The following PDE3A variants were observed in gnomAD, a reference collection of about 807,000 sequenced individuals.
The protein encoded by PDE3A is cGMP-inhibited 3',5'-cyclic phosphodiesterase 3A.
PDE3A carries 43 observed loss-of-function variants against 98.3 expected under a neutral mutation model. That is an observed-to-expected ratio of 0.44 (90% confidence interval 0.34 to 0.56). The LOEUF is 0.56. PDE3A is among the 20% of genes least tolerant of loss of function. The probability of loss-of-function intolerance (pLI) is 0.01; values close to 1 mark genes in which losing one functional copy is unlikely to be tolerated. For synonymous variants in PDE3A, 663 were observed against 567.9 expected (o/e 1.17, Z -2.38); for missense variants, 1,427 against 1,440.7 (o/e 0.99, Z 0.15).
intron 14 of PDE3A, among the ~76,000 whole-genome samples, chr12:20,652,482 C>A (rs1944943474): frequency 6.6e-6 from 1 of 152,152 alleles, no homozygotes; most frequent in Admixed American, 6.5e-5. Context: ...GAGATGGTAT[C>A]TCGTTGTGGT....
intron 1 of PDE3A, among the ~76,000 whole-genome samples, chr12:20,531,472 A>G (rs1459275737): frequency 1.3e-5 from 2 of 152,202 alleles, no homozygotes; most frequent in East Asian, 1.9e-4. Context: ...CAATCATTAT[A>G]TTAGATAAGA....
chr12:20,549,643 T>A (rs1364577439), intron 1 of PDE3A, among the ~76,000 whole-genome samples: 1 of 152,094 alleles, frequency 6.6e-6, no homozygotes, highest in East Asian at 1.9e-4. Flanking sequence ...TCTGTAACAT[T>A]TTTTATTACT....
At chr12:20,426,379 A>G (rs951028428) in intron 1 of PDE3A, among the ~76,000 whole-genome samples, 2 of 152,208 alleles carry the variant, frequency 1.3e-5, no homozygotes, top group African/African-American at 4.8e-5. Flanking sequence ...GAAAAAAAGA[A>G]TAAAAAACCC....
chr12:20,387,773 T>C (rs1245709773), intron 1 of PDE3A, among the ~76,000 whole-genome samples: 1 of 152,030 alleles, frequency 6.6e-6, no homozygotes, highest in African/African-American at 2.4e-5. Context: ...ATTGTTTACA[T>C]ACTGCTTGGG....
intron 1 of PDE3A, among the ~76,000 whole-genome samples, chr12:20,398,191 C>T (rs1591886205): frequency 6.7e-6 from 1 of 150,150 alleles, no homozygotes. Flanking sequence ...TGCCTGATGG[C>T]TTATTGGCGG....
chr12:20,566,276 A>G (rs1942652924), intron 2 of PDE3A, among the ~76,000 whole-genome samples: 1 of 151,776 alleles, frequency 6.6e-6, no homozygotes, highest in Non-Finnish European at 1.5e-5. Flanking sequence ...CTTAAGTGTT[A>G]CAAGTTAAAG....
At chr12:20,646,433 T>C in intron 10 of PDE3A, 57 bp from the exon 11 acceptor site, 1 of 942,468 alleles carries the variant, frequency 1.1e-6, no homozygotes, top group Non-Finnish European at 1.8e-6. Context: ...ATGGCACTCT[T>C]AGTTCTTGGA....
At chr12:20,436,345 CA>C (rs922611500) in intron 1 of PDE3A, among the ~76,000 whole-genome samples, 2 of 151,692 alleles carry the variant, frequency 1.3e-5, no homozygotes, top group Non-Finnish European at 2.9e-5. Context: ...CAAAACAAAA[CA>C]AAAAAAACTA....
At chr12:20,618,013 A>G (rs1944046485) in intron 4 of PDE3A, among the ~76,000 whole-genome samples, 1 of 152,168 alleles carries the variant, frequency 6.6e-6, no homozygotes, top group Non-Finnish European at 1.5e-5. Context: ...AAGGAATAGC[A>G]TACAATTCCA....
intron 1 of PDE3A, among the ~76,000 whole-genome samples, chr12:20,374,315 A>C (rs755712911): frequency 2.0e-5 from 3 of 152,118 alleles, no homozygotes; most frequent in Admixed American, 6.6e-5. Context: ...AATCTATATA[A>C]ATTTACAGAG....
At chr12:20,629,076 C>G (rs1009667897) in intron 5 of PDE3A, among the ~76,000 whole-genome samples, 2 of 152,180 alleles carry the variant, frequency 1.3e-5, no homozygotes, top group African/African-American at 2.4e-5. Context: ...GGTTGTTAGG[C>G]AGAAGTTATT....
intron 2 of PDE3A, among the ~76,000 whole-genome samples, chr12:20,562,528 T>G (rs1031431046): frequency 2.6e-5 from 4 of 152,112 alleles, no homozygotes; most frequent in South Asian, 4.1e-4. Flanking sequence ...GCTTTTTTTT[T>G]TTGTTTTTTA....
intron 1 of PDE3A, among the ~76,000 whole-genome samples, chr12:20,551,070 T>C (rs1942185656): frequency 6.6e-6 from 1 of 151,318 alleles, no homozygotes; most frequent in Non-Finnish European, 1.5e-5. Context: ...ATATGCTTAG[T>C]TTACTCCCTG....
intron 1 of PDE3A, among the ~76,000 whole-genome samples, chr12:20,517,441 T>C (rs964156755): frequency 3.9e-5 from 6 of 152,206 alleles, no homozygotes; most frequent in African/African-American, 1.2e-4. Flanking sequence ...AAAAATGTTG[T>C]GTGATTATTG....
chr12:20,647,976 T>C (rs914204822), intron 12 of PDE3A, among the ~76,000 whole-genome samples: 1 of 151,924 alleles, frequency 6.6e-6, no homozygotes, highest in Non-Finnish European at 1.5e-5. Context: ...ATAGGCTATC[T>C]TGCACACTAG....
intron 1 of PDE3A, among the ~76,000 whole-genome samples, chr12:20,518,915 G>A (rs1946371844): frequency 6.6e-6 from 1 of 152,124 alleles, no homozygotes; most frequent in African/African-American, 2.4e-5. Context: ...TGTAACTAGT[G>A]TAACTGAGGA....
chr12:20,448,137 A>G (rs1288334357), intron 1 of PDE3A, among the ~76,000 whole-genome samples: 3 of 152,184 alleles, frequency 2.0e-5, no homozygotes, highest in Admixed American at 2.0e-4. Flanking sequence ...CATTAGTAAT[A>G]TTAAGACTGT....
intron 1 of PDE3A, among the ~76,000 whole-genome samples, chr12:20,399,053 A>G (rs1944073119): frequency 6.6e-6 from 1 of 152,138 alleles, no homozygotes; most frequent in Non-Finnish European, 1.5e-5. Context: ...TTGATATCTT[A>G]TATGAGTGGA....
intron 1 of PDE3A, among the ~76,000 whole-genome samples, chr12:20,408,052 C>T (rs1010439694): frequency 1.1e-4 from 17 of 152,044 alleles, no homozygotes; most frequent in African/African-American, 4.1e-4. Flanking sequence ...TCCTAAGTAG[C>T]TGGGACTACA....
Sources: allele counts gnomAD v4.1 joint callset (sites outside exome capture counted in the v4.1 genomes callset), GRCh38; gene constraint gnomAD v4.1.1; transcripts MANE v1.5; gene names NCBI Gene and HGNC (gene_info 2026-07-23, HGNC 2026-07-21).